Variants in SPECC1 observed in about 807,000 individuals in gnomAD.
The protein encoded by SPECC1 is sperm antigen with calponin homology and coiled-coil domains 1, also known as cytospin-B.
SPECC1 carries 62 observed loss-of-function variants against 104.1 expected under a neutral mutation model. The ratio of observed to expected loss-of-function variants is 0.60; its 90% CI spans 0.49 to 0.74. SPECC1 has a LOEUF of 0.74. Among genes scored for constraint, SPECC1 ranks in the 30% least tolerant of loss-of-function variants. SPECC1 has a pLI of 0.00. For missense variants in SPECC1, 1,306 were observed against 1,310.5 expected (o/e 1.00, Z 0.05); for synonymous variants, 513 against 501.6 (o/e 1.02, Z -0.30).
intron 3 of SPECC1, among the ~76,000 whole-genome samples, chr17:20,122,606 G>A (rs1207358817): frequency 6.6e-6 from 1 of 152,096 alleles, no homozygotes; most frequent in African/African-American, 2.4e-5. Context: ...TTCTCAAAGT[G>A]AAACTCTGTC....
intron 12 of SPECC1, among the ~76,000 whole-genome samples, chr17:20,266,472 T>A (rs962475944): frequency 1.3e-4 from 20 of 152,156 alleles, no homozygotes; most frequent in African/African-American, 4.3e-4. Context: ...TGGTCCCAGC[T>A]GCTCGGGAGG....
chr17:20,232,525 C>T (rs1050977741), intron 7 of SPECC1, 120 bp downstream of exon 7: 3 of 1,125,500 alleles, frequency 2.7e-6, no homozygotes, highest in African/African-American at 1.6e-5. Context: ...CTGAGATCAC[C>T]CTGAATTACT....
At chr17:20,250,600 C>T (rs1376612928) in intron 9 of SPECC1, among the ~76,000 whole-genome samples, 1 of 152,152 alleles carries the variant, frequency 6.6e-6, no homozygotes, top group African/African-American at 2.4e-5. Context: ...TAATTTATAT[C>T]TTTTCCTTAA....
chr17:20,081,224 C>T (rs2046960495), intron 1 of SPECC1, among the ~76,000 whole-genome samples: 2 of 152,146 alleles, frequency 1.3e-5, no homozygotes, highest in South Asian at 2.1e-4. Flanking sequence ...GATGGTGAGC[C>T]CCAGGTGGGG....
chr17:20,226,534 C>G (rs982700877), intron 4 of SPECC1, among the ~76,000 whole-genome samples: 2 of 152,096 alleles, frequency 1.3e-5, no homozygotes, highest in African/African-American at 4.8e-5. Context: ...GCTTATTACT[C>G]TCTGAGGTAG....
chr17:20,253,041 G>T (rs1368500848), intron 9 of SPECC1, among the ~76,000 whole-genome samples: 1 of 145,834 alleles, frequency 6.9e-6, no homozygotes, highest in Non-Finnish European at 1.5e-5. Flanking sequence ...TTCTTTTTCA[G>T]TTTTTTTTTT....
chr17:20,309,034 G>C (rs2041854294), intron 14 of SPECC1, among the ~76,000 whole-genome samples: 1 of 152,142 alleles, frequency 6.6e-6, no homozygotes, highest in Non-Finnish European at 1.5e-5. Flanking sequence ...TGTCCTAATT[G>C]TCAGAGCCAG....
At chr17:20,233,101 TA>T (rs1281943895) in intron 7 of SPECC1, among the ~76,000 whole-genome samples, 2 of 152,252 alleles carry the variant, frequency 1.3e-5, no homozygotes, top group African/African-American at 4.8e-5. Context: ...GACAAATTTA[TA>T]AACAGCATTT....
chr17:20,167,405 G>A (rs1026634569), intron 3 of SPECC1, among the ~76,000 whole-genome samples: 2 of 152,012 alleles, frequency 1.3e-5, no homozygotes, highest in African/African-American at 2.4e-5. Flanking sequence ...CCAGCTGGGC[G>A]CAGTGGCTCA....
At chr17:20,277,389 A>G (rs1347138010) in intron 12 of SPECC1, among the ~76,000 whole-genome samples, 1 of 152,086 alleles carries the variant, frequency 6.6e-6, no homozygotes, top group Admixed American at 6.5e-5. Flanking sequence ...TACTTTTTAA[A>G]CTTTTTTTTT....
intron 1 of SPECC1, among the ~76,000 whole-genome samples, chr17:20,055,991 A>G (rs918374585): frequency 3.3e-5 from 5 of 152,176 alleles, no homozygotes; most frequent in Non-Finnish European, 7.3e-5. Flanking sequence ...GGAGGACTGC[A>G]CTCTGGGAAG....
intron 3 of SPECC1, among the ~76,000 whole-genome samples, chr17:20,152,614 T>C (rs939040297): frequency 2.6e-5 from 4 of 152,204 alleles, no homozygotes; most frequent in Middle Eastern, 3.2e-3. Flanking sequence ...TGACCTCACA[T>C]AACAGAAAGA....
intron 4 of SPECC1, among the ~76,000 whole-genome samples, chr17:20,218,289 C>T (rs1055644394): frequency 6.6e-6 from 1 of 152,168 alleles, no homozygotes; most frequent in South Asian, 2.1e-4. Flanking sequence ...CTGCCCACCC[C>T]CCAACCCTGC....
intron 1 of SPECC1, among the ~76,000 whole-genome samples, chr17:20,015,185 A>G (rs1757692754): frequency 6.6e-6 from 1 of 150,616 alleles, no homozygotes; most frequent in African/African-American, 2.4e-5. Flanking sequence ...CCTCTATTCT[A>G]TTTTCTGCTT....
At chr17:20,103,640 C>A (rs1299742099) in intron 2 of SPECC1, among the ~76,000 whole-genome samples, 2 of 152,142 alleles carry the variant, frequency 1.3e-5, no homozygotes, top group Non-Finnish European at 2.9e-5. Context: ...GTTTCTCCTG[C>A]CGATCTTCCC....
intron 1 of SPECC1, among the ~76,000 whole-genome samples, chr17:20,041,867 C>T (rs1333499171): frequency 6.6e-6 from 1 of 152,032 alleles, no homozygotes; most frequent in East Asian, 1.9e-4. Context: ...TCTTGTGATC[C>T]ACCTGCCTCG....
chr17:20,059,026 T>TAG (rs200885562), intron 1 of SPECC1, among the ~76,000 whole-genome samples: 10,981 of 151,164 alleles, frequency 0.073, 535 homozygotes, highest in African/African-American at 0.14. Flanking sequence ...GAATTTTTAG[T>TAG]AGACGGGGTT....
intron 13 of SPECC1, among the ~76,000 whole-genome samples, chr17:20,298,918 C>CA (rs201705733): frequency 1.1e-4 from 7 of 66,504 alleles, no homozygotes; most frequent in East Asian, 2.5e-3. Context: ...AAAGCAGAAC[C>CA]AAAAGAGAGA....
At chr17:20,310,678 C>T (rs2041905958) in intron 14 of SPECC1, among the ~76,000 whole-genome samples, 1 of 152,222 alleles carries the variant, frequency 6.6e-6, no homozygotes, top group Non-Finnish European at 1.5e-5. Context: ...GGCTGTTGCT[C>T]ACTGAGTGCC....
Sources: allele counts gnomAD v4.1 joint callset (sites outside exome capture counted in the v4.1 genomes callset), GRCh38; gene constraint gnomAD v4.1.1; transcripts MANE v1.5; gene names NCBI Gene and HGNC (gene_info 2026-07-23, HGNC 2026-07-21).